The following TCP11L1 variants were observed in gnomAD, a reference collection of about 807,000 sequenced individuals.
The protein encoded by TCP11L1 is T-complex protein 11-like protein 1.
TCP11L1 carries 28 observed loss-of-function variants against 48.9 expected under a neutral mutation model. The ratio of observed to expected loss-of-function variants is 0.57; its 90% CI spans 0.42 to 0.78. The LOEUF is 0.78. Among genes scored for constraint, TCP11L1 ranks in the 30% least tolerant of loss-of-function variants. The pLI is 0.00. For missense variants in TCP11L1, 505 were observed against 613.4 expected, an observed-to-expected ratio of 0.82 and a Z score of 1.87; for synonymous variants, 204 against 231.9, an observed-to-expected ratio of 0.88 and a Z score of 1.09.
Position 33,043,852 on chromosome 11 carries a change from G to T in TCP11L1, c.79G>T (p.Asp27Tyr). 1.2e-6 allele frequency: 2 copies of T among 1,614,068 alleles called. No homozygotes were observed. Among genetic ancestry groups the T allele is most frequent in the Non-Finnish European group, 1.7e-6 (2 of 1,179,980 alleles). ...CAATGATTCTGAGGAAGGCCTCGAAGATGCTGTGGAAGGTGCTGATGAAGC... is the reference window on the plus strand; with the variant it reads ...CAATGATTCTGAGGAAGGCCTCGAATATGCTGTGGAAGGTGCTGATGAAGC... ...KSNDSEEGLE[D>Y]AVEGADEALQ... Residue 27 changes from aspartate to tyrosine, a missense_variant, in exon 2 of 10, where the codon GAT (aspartate) becomes TAT (tyrosine). Asp to Tyr is a radical substitution (Grantham distance 160). Transcript: ENST00000334274.
rs935650424 is a variant in TCP11L1 at position 33,061,558 on chromosome 11, G to A, written c.804G>A (p.Leu268=). ...PNSLDFVTQW[L]EEASEDLMTQ... ...CCCTGGACTTTGTCACCCAGTGGCT[G>A]GAAGAAGCCTCAGAGGACCTTATGA... Residue 268 remains leucine (L), a synonymous_variant, in exon 7 of 10, where the codon CTG becomes CTA. Transcript: ENST00000334274. 23 of 1,607,498 alleles carry A rather than the reference G, an allele frequency of 1.4e-5. No homozygotes were observed. Among genetic ancestry groups the A allele is most frequent in the Non-Finnish European group, 1.8e-5 (21 of 1,176,822 alleles).
At chr11:33,063,975 A>G (rs1481897885) in intron 7 of TCP11L1, among the ~76,000 whole-genome samples, 5 of 152,074 alleles carry the variant, frequency 3.3e-5, no homozygotes, top group Admixed American at 6.5e-5. Flanking sequence ...GTGGGAGACC[A>G]TCCAATACCT....
chr11:33,052,870 G>A (rs1358424303), intron 2 of TCP11L1, among the ~76,000 whole-genome samples: 3 of 152,140 alleles, frequency 2.0e-5, no homozygotes, highest in Non-Finnish European at 4.4e-5. Context: ...GCATGTGCCT[G>A]TAGTCCTGGC....
At chr11:33,042,520 C>A (rs1853867906) in intron 1 of TCP11L1, among the ~76,000 whole-genome samples, 1 of 152,012 alleles carries the variant, frequency 6.6e-6, no homozygotes, top group Admixed American at 6.6e-5. Context: ...AATAAAAAGC[C>A]CACCCAACTG....
intron 3 of TCP11L1, among the ~76,000 whole-genome samples, chr11:33,056,108 G>C (rs11032130): frequency 6.6e-6 from 1 of 151,784 alleles, no homozygotes; most frequent in Non-Finnish European, 1.5e-5. Context: ...GAGCCACTGC[G>C]CCAGCCATTG....
At chr11:33,051,301 G>T (rs1340400402) in intron 2 of TCP11L1, among the ~76,000 whole-genome samples, 2 of 151,762 alleles carry the variant, frequency 1.3e-5, no homozygotes, top group Non-Finnish European at 2.9e-5. Context: ...CCAAGTAGCT[G>T]GGACTACAGA....
intron 2 of TCP11L1, among the ~76,000 whole-genome samples, chr11:33,052,443 A>G (rs1854187621): frequency 6.6e-6 from 1 of 151,530 alleles, no homozygotes; most frequent in African/African-American, 2.4e-5. Context: ...ACCAGGCAGG[A>G]TATGACCAGC....
At chr11:33,066,974 TA>T (rs34707088) in intron 8 of TCP11L1, among the ~76,000 whole-genome samples, 63,756 of 149,586 alleles carry the variant, frequency 0.43, 13,709 homozygotes, top group African/African-American at 0.51. Flanking sequence ...CTTATTCCAT[TA>T]AAAAAAAAAA....
intron 2 of TCP11L1, 21 bp from the exon 3 acceptor site, chr11:33,054,572 T>TA: frequency 6.2e-7 from 1 of 1,604,974 alleles, no homozygotes; most frequent in African/African-American, 1.3e-5. Context: ...GCAAATCTCT[T>TA]ACAGTGAGTT....
intron 2 of TCP11L1, among the ~76,000 whole-genome samples, chr11:33,045,352 CAAAA>C (rs59665470): frequency 2.6e-5 from 3 of 115,880 alleles, no homozygotes; most frequent in African/African-American, 3.3e-5. Flanking sequence ...GACCCTGTCT[CAAAA>C]AAAAAAAAAA....
Position 33,057,862 on chromosome 11 carries a change from A to G in TCP11L1, c.418-57A>G, listed in dbSNP as rs1026201860. 10 of 1,421,554 alleles carry G rather than the reference A, an allele frequency of 7.0e-6. No homozygotes were observed. In the African/African-American group the frequency reaches 1.2e-4, roughly 16 times the overall value. 88.1% of individuals were successfully genotyped at this position (1,421,554 alleles called of 1,614,324 possible). ...TTATTTGGATAGTTATAAATTACATATAATTAGAAATGATGTCTAAAGAAT... is the reference window on the plus strand; with the variant it reads ...TTATTTGGATAGTTATAAATTACATGTAATTAGAAATGATGTCTAAAGAAT... On this transcript the variant is annotated intron_variant, in intron 4 of 9. Coordinates refer to ENST00000334274, the MANE Select transcript of TCP11L1 (RefSeq NM_018393.4).
At position 33,065,938 on chromosome 11, in the gene TCP11L1, A is replaced by G; in HGVS notation, c.1081A>G (p.Ile361Val). 1 of 1,614,192 alleles carries G rather than the reference A, an allele frequency of 6.2e-7. No individual in the cohort carries two copies. The highest frequency in any genetic ancestry group is 8.5e-7 in the Non-Finnish European group (1 of 1,180,010). ...LVTFSMAAPG[I>V]SSQADFAEKL... ...CACCTTCAGCATGGCAGCGCCAGGA[A>G]TTTCCAGCCAGGCCGACTTTGCTGA... The change falls in exon 8 of 10, where the codon ATT becomes GTT. Residue 361 changes from isoleucine (I) to valine (V), a missense_variant. Physicochemically the swap from Ile to Val is conservative, Grantham distance 29. Around this residue, in one of 3 missense-constraint regions of TCP11L1, gnomAD observed 335 missense variants for 413.3 expected, o/e 0.81. Transcript: ENST00000334274.
At position 33,062,150 on chromosome 11, in the gene TCP11L1, T is replaced by C. The variant is rs551470050; in HGVS notation, c.972+424T>C. On this transcript the variant is annotated intron_variant, in intron 7 of 9. Transcript: ENST00000334274. ...AAGAATAGCTTTATTCTGATATAAT[T>C]CATGTACCAGAAGATTCTCCCTTTT... is the stretch of plus-strand genomic sequence containing the variant. Among the ~76,000 whole-genome samples the C allele has an allele frequency of 1.1e-4, 16 of 152,268 alleles. No homozygotes were observed. In the East Asian group the frequency reaches 3.1e-3, roughly 29 times the overall value.
At chr11:33,045,799 G>A (rs899460283) in intron 2 of TCP11L1, among the ~76,000 whole-genome samples, 17 of 152,186 alleles carry the variant, frequency 1.1e-4, no homozygotes, top group African/African-American at 3.4e-4. Flanking sequence ...CGAAGGCCCC[G>A]AGCTCTGGAA....
At chr11:33,069,394 G>C (rs1854712142) in intron 9 of TCP11L1, among the ~76,000 whole-genome samples, 1 of 151,298 alleles carries the variant, frequency 6.6e-6, no homozygotes, top group Non-Finnish European at 1.5e-5. Context: ...TTAAGATATT[G>C]CTATTTAAAA....
At chr11:33,042,613 AC>A (rs1162637107) in intron 1 of TCP11L1, among the ~76,000 whole-genome samples, 1 of 152,202 alleles carries the variant, frequency 6.6e-6, no homozygotes, top group African/African-American at 2.4e-5. Flanking sequence ...TATTTGCCCC[AC>A]ACATTCCTCT....
intron 5 of TCP11L1, among the ~76,000 whole-genome samples, 155 bp downstream of exon 5, chr11:33,058,294 A>C (rs1294562322): frequency 1.3e-5 from 2 of 150,994 alleles, no homozygotes; most frequent in African/African-American, 4.9e-5. Context: ...CACCTCCTGG[A>C]TTCAAGCAAT....
Position 33,072,953 on chromosome 11 carries a change from C to G in TCP11L1, c.*277C>G, listed in dbSNP as rs1308540083. ...ACACTCAGCTGTTGTCTCCACTCCTCCCCCATCATGTCCTTCCAAGGAGGC... is the reference window on the plus strand; with the variant it reads ...ACACTCAGCTGTTGTCTCCACTCCTGCCCCATCATGTCCTTCCAAGGAGGC... On this transcript the variant is annotated 3_prime_UTR_variant, in exon 10 of 10. Transcript: ENST00000334274. The G allele has an allele frequency of 2.4e-6, 1 of 416,690 alleles. No homozygotes were observed. The highest frequency in any genetic ancestry group is 4.4e-6 in the Non-Finnish European group (1 of 225,078). The allele number at this position is 416,690 out of a possible 1,614,324, so 25.8% of individuals were successfully genotyped here. A position where few individuals can be genotyped will look rare whatever the true frequency, so the allele number is the denominator to read the frequency against.
chr11:33,061,120 T>C (rs985574916), intron 6 of TCP11L1, among the ~76,000 whole-genome samples: 4 of 152,190 alleles, frequency 2.6e-5, no homozygotes, highest in African/African-American at 9.7e-5. Context: ...CATGCCCAGC[T>C]AATTTTTGTA....
Sources: allele counts gnomAD v4.1 joint callset (sites outside exome capture counted in the v4.1 genomes callset), GRCh38; gene constraint gnomAD v4.1.1; regional missense constraint gnomAD v4.1.1; transcripts MANE v1.5; gene names NCBI Gene and HGNC (gene_info 2026-07-23, HGNC 2026-07-21).